The following DNAJA4 variants were observed in gnomAD, a reference collection of about 807,000 sequenced individuals.
DNAJA4 encodes the protein dnaJ homolog subfamily A member 4.
DNAJA4 carries 32 observed loss-of-function variants against 39.7 expected under a neutral mutation model. That is an observed-to-expected ratio of 0.81 (90% CI 0.61 to 1.08). The LOEUF (loss-of-function observed/expected upper bound fraction) is 1.08, where lower values mean the gene tolerates loss of function less well. DNAJA4 is among the 50% of genes least tolerant of loss of function. DNAJA4 has a pLI of 0.00. For synonymous variants in DNAJA4, 184 were observed against 182.4 expected (o/e 1.01, Z -0.07); for missense variants, 439 against 505.1 (o/e 0.87, Z 1.25).
intron 4 of DNAJA4, 140 bp from the exon 5 acceptor site, chr15:78,275,358 C>G (rs913169501): frequency 1.5e-6 from 1 of 677,926 alleles, no homozygotes; most frequent in Non-Finnish European, 2.5e-6. Context: ...CTAGCCACCC[C>G]TCCCTGCCTT....
At chr15:78,274,164 T>C in intron 3 of DNAJA4, 33 bp from the exon 4 acceptor site, 1 of 1,597,230 alleles carries the variant, frequency 6.3e-7, no homozygotes, top group Admixed American at 1.7e-5. Context: ...GGGAAGAGCA[T>C]GGCCCTCATT....
rs1385661050 is a variant in DNAJA4, at chr15:78,270,581, AAAG to A, written c.221_223del (p.Glu74del). On this transcript the variant is annotated inframe_deletion, in exon 2 of 7. Transcript: ENST00000394852. ...TGACCAAGGCGGAGAGCAGGCAATT[AAAG>A]AAGGAGGCTCAGGCAGCCCCAGCTT... is the stretch of plus-strand genomic sequence containing the variant. 1.2e-6 allele frequency: 2 copies of A among 1,614,230 alleles called. No individual in the cohort carries two copies. Among genetic ancestry groups the A allele is most frequent in the Non-Finnish European group, 1.7e-6 (2 of 1,180,040 alleles).
At chr15:78,267,486 T>C (rs2049176240) in intron 1 of DNAJA4, among the ~76,000 whole-genome samples, 1 of 152,132 alleles carries the variant, frequency 6.6e-6, no homozygotes, top group African/African-American at 2.4e-5. Context: ...GTTTTTTGTT[T>C]TTTTTGCAAG....
chr15:78,271,049 T>TCAAACAAACAAA (rs35220396), intron 2 of DNAJA4, among the ~76,000 whole-genome samples: 1 of 150,550 alleles, frequency 6.6e-6, no homozygotes, highest in African/African-American at 2.4e-5. Context: ...AGACCCTGTC[T>TCAAACAAACAAA]CAAACAAACA....
At chr15:78,265,330 C>T (rs752093760) in intron 1 of DNAJA4, 5 of 620,282 alleles carry the variant, frequency 8.1e-6, no homozygotes, top group Non-Finnish European at 1.2e-5. Context: ...GATGCATAAA[C>T]CCTAGGGATG....
rs535789950 is a variant in DNAJA4, at chr15:78,273,447, T to C, written c.418+248T>C. ...TTTGTATTTTTTATTTTTATTATAC[T>C]CTAAGTTTTAGGGTGCATGTGCACA... On this transcript the variant is annotated intron_variant, in intron 3 of 6. Transcript: ENST00000394852. 2.0e-5 allele frequency among the ~76,000 whole-genome samples: 3 copies of C among 152,392 alleles called. No individual in the cohort carries two copies. The South Asian group carries it at 6.2e-4, about 32-fold the overall frequency.
chr15:78,273,538 C>A (rs1016112443), intron 3 of DNAJA4, among the ~76,000 whole-genome samples: 1 of 152,172 alleles, frequency 6.6e-6, no homozygotes, highest in African/African-American at 2.4e-5. Flanking sequence ...AGACACTTGA[C>A]CTCATCTAGG....
In DNAJA4 at chr15:78,274,313, A is replaced by G. The variant is rs904229499; in HGVS notation, c.535A>G (p.Ile179Val). The G allele has an allele frequency of 1.2e-6, 2 of 1,614,182 alleles. No individual in the cohort carries two copies. Among genetic ancestry groups the G allele is most frequent in the Non-Finnish European group, 1.7e-6 (2 of 1,180,022 alleles). ...GGTACAGCAGATCCAGACCGTGTGC[A>G]TCGAGTGCAAGGGCCAGGGTGAGCG... ...GMVQQIQTVC[I>V]ECKGQGERIN... Residue 179 changes from isoleucine (I) to valine (V), a missense_variant, in exon 4 of 7, where the codon ATC (isoleucine) becomes GTC (valine). Coordinates refer to ENST00000394852, the MANE Select transcript of DNAJA4 (RefSeq NM_001130182.2).
At position 78,279,435 on chromosome 15, in the gene DNAJA4, C is replaced by G. The variant is rs1006311926; in HGVS notation, c.878-610C>G. On this transcript the variant is annotated intron_variant, in intron 5 of 6. Coordinates refer to ENST00000394852, the MANE Select transcript of DNAJA4 (RefSeq NM_001130182.2). The surrounding 1 kb of genome is among the most constrained non-coding windows in gnomAD (Gnocchi z 4.5). Reference sequence around the variant, plus strand: ...ACTCCTCTGATGCCTTCCAAAGTCACGTAGCTGTAAGACCCAGCGGGTGCC... The same window carrying G: ...ACTCCTCTGATGCCTTCCAAAGTCAGGTAGCTGTAAGACCCAGCGGGTGCC... 6.5e-6 allele frequency: 1 copy of G among 154,358 alleles called. No homozygotes were observed. Among genetic ancestry groups the G allele is most frequent in the Non-Finnish European group, 1.4e-5 (1 of 69,382 alleles). 9.6% of individuals were successfully genotyped at this position (154,358 alleles called of 1,614,324 possible).
rs1179477141 is a variant in DNAJA4, at chr15:78,279,118, A to G, written c.878-927A>G. On this transcript the variant is annotated intron_variant, in intron 5 of 6. Coordinates refer to ENST00000394852, the MANE Select transcript of DNAJA4 (RefSeq NM_001130182.2). The surrounding 1 kb of genome is among the most constrained non-coding windows in gnomAD (Gnocchi z 4.5). ...CCCTGCCTGCGAATGAATCTCAAGG[A>G]TAGTCATTGGCTTACTTTATTTTTA... 1 of 152,188 alleles carries G rather than the reference A, an allele frequency of 6.6e-6. No individual in the cohort carries two copies. The highest frequency in any genetic ancestry group is 1.5e-5 in the Non-Finnish European group (1 of 68,064). 9.4% of individuals were successfully genotyped at this position (152,188 alleles called of 1,614,324 possible). A position where few individuals can be genotyped will look rare whatever the true frequency, so the allele number is the denominator to read the frequency against.
chr15:78,267,179 TGA>T (rs774709095), intron 1 of DNAJA4, among the ~76,000 whole-genome samples: 13 of 108,720 alleles, frequency 1.2e-4, no homozygotes, highest in African/African-American at 3.4e-4. Context: ...TGTGAGTGTG[TGA>T]GTGTGTGTGT....
chr15:78,266,914 A>C (rs1341175954), intron 1 of DNAJA4, among the ~76,000 whole-genome samples: 1 of 152,200 alleles, frequency 6.6e-6, no homozygotes, highest in Non-Finnish European at 1.5e-5. Flanking sequence ...TAAAGGCACA[A>C]ATTGGAAGGG....
rs189378485 is a variant in DNAJA4 at position 78,265,637 on chromosome 15, A to G, written c.132+742A>G. 1.5e-3 allele frequency: 1,069 copies of G among 702,352 alleles called. 12 individuals carry two copies. Among genetic ancestry groups the G allele is most frequent in the African/African-American group, 0.014 (795 of 57,344 alleles). The allele number at this position is 702,352 out of a possible 1,614,324, so 43.5% of individuals were successfully genotyped here. A position where few individuals can be genotyped will look rare whatever the true frequency, so the allele number is the denominator to read the frequency against. On this transcript the variant is annotated intron_variant, in intron 1 of 6. Coordinates refer to ENST00000394852, the MANE Select transcript of DNAJA4 (RefSeq NM_001130182.2). Reference sequence around the variant, plus strand: ...AAGCTTTTCCATCCTGTTTACAGAAAGTTTGCTTTTTATCTCTAAAGAGGC... The same window carrying G: ...AAGCTTTTCCATCCTGTTTACAGAAGGTTTGCTTTTTATCTCTAAAGAGGC...
chr15:78,280,137 C>G lies in DNAJA4; in HGVS notation c.970C>G (p.Gln324Glu). 1 of 1,614,168 alleles carries G rather than the reference C, an allele frequency of 6.2e-7. No homozygotes were observed. The highest frequency in any genetic ancestry group is 8.5e-7 in the Non-Finnish European group (1 of 1,179,958). The stretch of plus-strand genomic sequence containing the variant: ...CCTGGAAAAAGGGATTCTGATCATA[C>G]AGTTTTTAGTAAGTTCACTATGTTT... ...APLEKGILIIQFLVIFPEKHW... is the reference protein window; with the variant it reads ...APLEKGILIIEFLVIFPEKHW... The change falls in exon 6 of 7, where the codon CAG becomes GAG. Residue 324 changes from glutamine (Q) to glutamate (E), a missense_variant. Physicochemically the swap from Gln to Glu is conservative, Grantham distance 29. Transcript: ENST00000394852.
rs374949491 is a variant in DNAJA4, at chr15:78,273,111, C to T, written c.330C>T (p.His110=). Reference sequence around the variant, plus strand: ...CTTGCTAAGGCAAGAATGTTGTACACCAGTTATCTGTAACTCTTGAAGATC... The same window carrying T: ...CTTGCTAAGGCAAGAATGTTGTACATCAGTTATCTGTAACTCTTGAAGATC... ...ARERRGKNVV[H]QLSVTLEDLY... is the part of the protein sequence containing the mutation. The change falls in exon 3 of 7, where the codon CAC becomes CAT. Residue 110 remains histidine, a synonymous_variant. Coordinates refer to ENST00000394852, the MANE Select transcript of DNAJA4 (RefSeq NM_001130182.2). The T allele has an allele frequency of 2.5e-6, 4 of 1,597,158 alleles. No individual in the cohort carries two copies. The highest frequency in any genetic ancestry group is 2.6e-6 in the Non-Finnish European group (3 of 1,165,942).
chr15:78,273,465 T>C (rs1249883179), intron 3 of DNAJA4, among the ~76,000 whole-genome samples: 1 of 152,270 alleles, frequency 6.6e-6, no homozygotes, highest in Non-Finnish European at 1.5e-5. Context: ...TTAGGGTGCA[T>C]GTGCACAACG....
intron 1 of DNAJA4, among the ~76,000 whole-genome samples, chr15:78,265,116 T>C (rs1197012941): frequency 6.6e-6 from 1 of 152,224 alleles, no homozygotes; most frequent in Non-Finnish European, 1.5e-5. Flanking sequence ...GGTGCGGCAC[T>C]TGGGTCCCTC....
chr15:78,270,901 A>G (rs2049276498), intron 2 of DNAJA4, among the ~76,000 whole-genome samples: 1 of 152,114 alleles, frequency 6.6e-6, no homozygotes, highest in African/African-American at 2.4e-5. Context: ...CTCAAAAAAA[A>G]TAAAAATAAA....
chr15:78,268,583 T>G (rs2049207730), intron 1 of DNAJA4, among the ~76,000 whole-genome samples: 1 of 152,286 alleles, frequency 6.6e-6, no homozygotes, highest in South Asian at 2.1e-4. Context: ...CCTGAATATT[T>G]TTTGGAGCCA....
Sources: allele counts gnomAD v4.1 joint callset (sites outside exome capture counted in the v4.1 genomes callset), GRCh38; gene constraint gnomAD v4.1.1; non-coding constraint Gnocchi (gnomAD v3.1); transcripts MANE v1.5; gene names NCBI Gene and HGNC (gene_info 2026-07-23, HGNC 2026-07-21).